SPON1: variants seen among roughly 807,000 people sequenced by gnomAD.
The protein encoded by SPON1 is spondin 1.
A neutral mutation model predicts 111.7 loss-of-function variants in SPON1; 52 were observed. The ratio of observed to expected loss-of-function variants is 0.47; its 90% CI spans 0.37 to 0.59. The LOEUF (loss-of-function observed/expected upper bound fraction) is 0.59, where lower values mean the gene tolerates loss of function less well. Among genes scored for constraint, SPON1 ranks in the 20% least tolerant of loss-of-function variants. The probability of loss-of-function intolerance (pLI) is 0.00; values close to 1 mark genes in which losing one functional copy is unlikely to be tolerated. For synonymous variants in SPON1, 410 were observed against 395.8 expected (o/e 1.04, Z -0.43); for missense variants, 957 against 1,068.5 (o/e 0.90, Z 1.46).
At chr11:14,059,175 G>A (rs1848769953) in intron 3 of SPON1, among the ~76,000 whole-genome samples, 2 of 152,278 alleles carry the variant, frequency 1.3e-5, no homozygotes, top group South Asian at 4.1e-4. Context: ...GGCAGCCTGG[G>A]CTGGACCAGT....
intron 2 of SPON1, among the ~76,000 whole-genome samples, chr11:14,022,051 G>A (rs1848484884): frequency 6.6e-6 from 1 of 152,132 alleles, no homozygotes; most frequent in African/African-American, 2.4e-5. Flanking sequence ...GCCCAGTGAG[G>A]GACTCAGCAG....
At chr11:13,997,246 G>T (rs1165951404) in intron 2 of SPON1, among the ~76,000 whole-genome samples, 1 of 152,136 alleles carries the variant, frequency 6.6e-6, no homozygotes, top group Non-Finnish European at 1.5e-5. Flanking sequence ...TTTTCAGGCT[G>T]CTCTAACTAC....
At position 13,962,884 on chromosome 11, in the gene SPON1, A is replaced by G; in HGVS notation, c.-21A>G. The G allele has an allele frequency of 6.9e-7, 1 of 1,459,450 alleles. No individual in the cohort carries two copies. The highest frequency in any genetic ancestry group is 9.0e-7 in the Non-Finnish European group (1 of 1,111,486). 90.4% of individuals were successfully genotyped at this position (1,459,450 alleles called of 1,614,324 possible). ...CGTGGCGAAGGCCTGCGGCCGCGGC[A>G]CAAAGTTGGGGGCCGCGAAGATGAG... On this transcript the variant is annotated 5_prime_UTR_variant, in exon 1 of 16. Coordinates refer to ENST00000576479, the MANE Select transcript of SPON1 (RefSeq NM_006108.4).
At chr11:14,088,491 G>T (rs1476101722) in intron 5 of SPON1, among the ~76,000 whole-genome samples, 10 of 152,204 alleles carry the variant, frequency 6.6e-5, no homozygotes, top group African/African-American at 2.4e-4. Context: ...GGTTTCTGCA[G>T]AGAGATCTGC....
At chr11:14,264,810 G>T (rs539487803) in intron 15 of SPON1, among the ~76,000 whole-genome samples, 1 of 152,106 alleles carries the variant, frequency 6.6e-6, no homozygotes, top group African/African-American at 2.4e-5. Flanking sequence ...TAATCTCTGG[G>T]GTCAGGGAAG....
At chr11:14,089,317 T>G (rs1849031333) in intron 5 of SPON1, among the ~76,000 whole-genome samples, 2 of 152,160 alleles carry the variant, frequency 1.3e-5, no homozygotes, top group African/African-American at 2.4e-5. Flanking sequence ...GGGTTTTTTG[T>G]GTGGGGGTCC....
chr11:14,228,685 A>G lies in SPON1; in HGVS notation c.826-14647A>G, dbSNP rs1848765166. Among the ~76,000 whole-genome samples the G allele has an allele frequency of 6.6e-6, 1 of 152,160 alleles. No individual in the cohort carries two copies. Among genetic ancestry groups the G allele is most frequent in the Non-Finnish European group, 1.5e-5 (1 of 68,020 alleles). ...AACTGACAGCTAAGAGCAACCTTTT[A>G]CCATCATCCCTGCAGCTGGGAAGTA... On this transcript the variant is annotated intron_variant, in intron 6 of 15. Transcript: ENST00000576479. The surrounding 1 kb of genome is among the most constrained non-coding windows in gnomAD (Gnocchi z 4.2).
chr11:14,139,672 C>T (rs1467138169), intron 6 of SPON1, among the ~76,000 whole-genome samples: 1 of 150,562 alleles, frequency 6.6e-6, no homozygotes, highest in African/African-American at 2.5e-5. Flanking sequence ...CCTTCATGAG[C>T]CTACATCCTA....
rs199637981 is a variant in SPON1, at chr11:14,104,334, TG to T, written c.676+24314del. Among the ~76,000 whole-genome samples the T allele has an allele frequency of 2.7e-3, 412 of 152,140 alleles. 1 individual carries two copies. The highest frequency in any genetic ancestry group is 9.0e-3 in the African/African-American group (373 of 41,556). ...TATCTCTCAATTTTTATAGTTAATTTGTTTTTTTTTCCCCTAGATGTTCTTT... is the reference window on the plus strand; with the variant it reads ...TATCTCTCAATTTTTATAGTTAATTTTTTTTTTTTCCCCTAGATGTTCTTT... On this transcript the variant is annotated intron_variant, in intron 5 of 15. Coordinates refer to ENST00000576479, the MANE Select transcript of SPON1 (RefSeq NM_006108.4).
rs564121690 is a variant in SPON1, at chr11:14,248,605, C to A, written c.890+5209C>A. 2.0e-5 allele frequency among the ~76,000 whole-genome samples: 3 copies of A among 152,272 alleles called. No homozygotes were observed. In the East Asian group the frequency reaches 5.8e-4, roughly 29 times the overall value. On this transcript the variant is annotated intron_variant, in intron 7 of 15. Coordinates refer to ENST00000576479, the MANE Select transcript of SPON1 (RefSeq NM_006108.4). ...CCCATACCCCAGTCTCCCCTTTCCTCTTCCAAATCTCATTAGGAAGTCAAA... is the reference window on the plus strand; with the variant it reads ...CCCATACCCCAGTCTCCCCTTTCCTATTCCAAATCTCATTAGGAAGTCAAA...
chr11:14,263,019 A>G (rs1554942084), intron 15 of SPON1, 44 bp downstream of exon 15: 2 of 1,547,674 alleles, frequency 1.3e-6, no homozygotes, highest in Middle Eastern at 2.0e-4. Flanking sequence ...CAGGACAGGC[A>G]GGGTTCTGCA....
intron 5 of SPON1, among the ~76,000 whole-genome samples, chr11:14,103,495 T>C (rs1488183362): frequency 6.6e-6 from 1 of 152,174 alleles, no homozygotes; most frequent in East Asian, 1.9e-4. Context: ...ATGAGAGAAC[T>C]GCAATAGTCC....
chr11:14,082,239 CAG>C (rs782565975), intron 5 of SPON1, among the ~76,000 whole-genome samples: 39 of 152,092 alleles, frequency 2.6e-4, no homozygotes, highest in Non-Finnish European at 4.9e-4. Flanking sequence ...CAAATCTATA[CAG>C]AGTTTCTGTG....
intron 2 of SPON1, among the ~76,000 whole-genome samples, chr11:14,001,817 G>A (rs57988815): frequency 0.025 from 3,825 of 152,172 alleles, 151 homozygotes; most frequent in African/African-American, 0.087. Flanking sequence ...TGTAACATAC[G>A]TATAATGGGA....
At chr11:13,992,036 G>A (rs1458764325) in intron 2 of SPON1, among the ~76,000 whole-genome samples, 1 of 152,194 alleles carries the variant, frequency 6.6e-6, no homozygotes, top group African/African-American at 2.4e-5. Flanking sequence ...ATACACGGGG[G>A]TCAGGGACCC....
At chr11:14,108,638 T>C (rs1031834071) in intron 5 of SPON1, among the ~76,000 whole-genome samples, 7 of 152,218 alleles carry the variant, frequency 4.6e-5, no homozygotes, top group African/African-American at 1.7e-4. Context: ...TTTTCATTTG[T>C]GACTTTTTCC....
chr11:14,070,682 G>A (rs1848868484), intron 3 of SPON1, among the ~76,000 whole-genome samples: 1 of 152,080 alleles, frequency 6.6e-6, no homozygotes, highest in African/African-American at 2.4e-5. Context: ...AAGTACTTCA[G>A]TTTCTGAGAT....
At chr11:14,188,576 A>T (rs946034525) in intron 6 of SPON1, among the ~76,000 whole-genome samples, 28 of 152,170 alleles carry the variant, frequency 1.8e-4, no homozygotes, top group African/African-American at 6.8e-4. Flanking sequence ...GAATAAGCTC[A>T]TAGCTTCATA....
At chr11:14,103,715 T>A (rs1849163299) in intron 5 of SPON1, among the ~76,000 whole-genome samples, 3 of 152,240 alleles carry the variant, frequency 2.0e-5, no homozygotes. Flanking sequence ...CACCGTCTTA[T>A]CAGGAAACAG....
Sources: gnomAD v4.1 joint callset for allele counts (sites outside exome capture counted in the v4.1 genomes callset) on GRCh38, gnomAD v4.1.1 for gene constraint, Gnocchi (gnomAD v3.1) non-coding constraint, MANE v1.5 for transcripts, NCBI Gene and HGNC (gene_info 2026-07-23, HGNC 2026-07-21) for gene names.